Variants in COG5 observed in about 807,000 individuals in gnomAD.
COG5 encodes conserved oligomeric Golgi complex subunit 5.
Under a neutral mutation model 110.4 loss-of-function variants are expected in COG5, and 86 were observed. The observed-to-expected ratio is 0.78, with a 90% CI of 0.65 to 0.93. The LOEUF (loss-of-function observed/expected upper bound fraction) is 0.93. Among genes scored for constraint, COG5 ranks in the 40% least tolerant of loss-of-function variants. The probability of loss-of-function intolerance (pLI) is 0.00; values close to 1 mark genes in which losing one functional copy is unlikely to be tolerated. For synonymous variants in COG5, 360 were observed against 334.6 expected (o/e 1.08, Z -0.83); for missense variants, 1,077 against 987.0 (o/e 1.09, Z -1.22).
chr7:107,478,698 T>C (rs771517938), intron 6 of COG5, among the ~76,000 whole-genome samples: 1 of 152,014 alleles, frequency 6.6e-6, no homozygotes, highest in African/African-American at 2.4e-5. Context: ...ATACTATCCA[T>C]AGTTTCAGAC....
chr7:107,420,149 G>A (rs148674293), intron 6 of COG5, among the ~76,000 whole-genome samples: 10 of 152,160 alleles, frequency 6.6e-5, no homozygotes, highest in Admixed American at 2.0e-4. Flanking sequence ...TACAGAACTA[G>A]AAATGAGAAC....
At chr7:107,428,218 A>G (rs936130072) in intron 6 of COG5, among the ~76,000 whole-genome samples, 33 of 152,260 alleles carry the variant, frequency 2.2e-4, no homozygotes, top group Non-Finnish European at 4.9e-4. Flanking sequence ...ATTGTCTTTC[A>G]TTTGAAGGTG....
At chr7:107,529,153 C>G (rs921871530) in intron 5 of COG5, among the ~76,000 whole-genome samples, 2 of 151,274 alleles carry the variant, frequency 1.3e-5, no homozygotes, top group Non-Finnish European at 2.9e-5. Context: ...ATTCAAAATT[C>G]AAGAAATAAA....
At chr7:107,449,221 T>C (rs1200087797) in intron 6 of COG5, among the ~76,000 whole-genome samples, 1 of 152,114 alleles carries the variant, frequency 6.6e-6, no homozygotes, top group Non-Finnish European at 1.5e-5. Flanking sequence ...AAATACCTAA[T>C]GCATACGGGA....
At chr7:107,282,924 C>T (rs1471597499) in intron 13 of COG5, among the ~76,000 whole-genome samples, 3 of 152,172 alleles carry the variant, frequency 2.0e-5, no homozygotes, top group African/African-American at 7.2e-5. Context: ...AAACGTCCAT[C>T]TCAAATGTAC....
At chr7:107,221,865 T>C (rs1799954491) in intron 19 of COG5, among the ~76,000 whole-genome samples, 1 of 152,168 alleles carries the variant, frequency 6.6e-6, no homozygotes, top group South Asian at 2.1e-4. Context: ...GTTTCTCTCT[T>C]ATCTTTGGCT....
intron 6 of COG5, among the ~76,000 whole-genome samples, chr7:107,468,420 G>GGT (rs35406143): frequency 0.17 from 24,696 of 149,550 alleles, 2,244 homozygotes; most frequent in Middle Eastern, 0.22. Context: ...TGTGTGCTGT[G>GGT]GTGTGTGTGT....
chr7:107,456,370 T>C (rs533194990), intron 6 of COG5, among the ~76,000 whole-genome samples: 93 of 152,338 alleles, frequency 6.1e-4, no homozygotes, highest in African/African-American at 2.2e-3. Context: ...GGATTTACCC[T>C]AGCAACTAGA....
chr7:107,243,511 C>CAAAA (rs759045963), intron 17 of COG5, among the ~76,000 whole-genome samples: 59 of 78,512 alleles, frequency 7.5e-4, no homozygotes, highest in African/African-American at 2.0e-3. Flanking sequence ...GACTCCATCT[C>CAAAA]AAAAAAAAAA....
intron 6 of COG5, among the ~76,000 whole-genome samples, chr7:107,443,181 A>C (rs984980410): frequency 2.6e-5 from 4 of 152,178 alleles, no homozygotes; most frequent in African/African-American, 9.7e-5. Context: ...AATTACAAAG[A>C]ATGAAGAACT....
intron 6 of COG5, among the ~76,000 whole-genome samples, chr7:107,517,106 T>C (rs957381056): frequency 3.3e-5 from 5 of 152,100 alleles, no homozygotes; most frequent in Non-Finnish European, 7.3e-5. Context: ...GCTAAGAACC[T>C]TGATAAAAGG....
intron 12 of COG5, among the ~76,000 whole-genome samples, chr7:107,289,925 C>CA (rs1220007641): frequency 3.3e-5 from 5 of 152,074 alleles, no homozygotes; most frequent in African/African-American, 7.2e-5. Context: ...TTGAGTTATG[C>CA]AAAAAAACTG....
At chr7:107,483,672 C>A (rs1477648487) in intron 6 of COG5, among the ~76,000 whole-genome samples, 1 of 151,200 alleles carries the variant, frequency 6.6e-6, no homozygotes, top group Non-Finnish European at 1.5e-5. Flanking sequence ...CCATTGCACT[C>A]CAGCCTGGGA....
At chr7:107,403,464 G>A (rs954450239) in intron 7 of COG5, among the ~76,000 whole-genome samples, 4 of 150,958 alleles carry the variant, frequency 2.6e-5, no homozygotes, top group South Asian at 2.1e-4. Flanking sequence ...AGGTATACAC[G>A]TGCCATGGTG....
intron 6 of COG5, among the ~76,000 whole-genome samples, chr7:107,459,757 C>T (rs934316587): frequency 3.3e-5 from 5 of 150,210 alleles, no homozygotes; most frequent in African/African-American, 4.9e-5. Context: ...GATAGCACCA[C>T]TGTACTCCTG....
At position 107,558,014 on chromosome 7, in the gene COG5, G is replaced by T. The variant is rs780972332; in HGVS notation, c.196C>A (p.Gln66Lys). 5.0e-6 allele frequency: 8 copies of T among 1,613,474 alleles called. No homozygotes were observed. In the East Asian group the frequency reaches 1.8e-4, roughly 36 times the overall value. ...VIAEQLAKLAQGISQLDRELH... is the reference protein window; with the variant it reads ...VIAEQLAKLAKGISQLDRELH... ...TCTCTGTCCAACTGACTGATTCCTT[G>T]GGCAAGTTTTGCTAGTTGTTCAGCA... The change falls in exon 2 of 22, where the codon CAA (glutamine) becomes AAA (lysine). Residue 66 changes from glutamine (Q) to lysine (K), a missense_variant. Transcript: ENST00000297135.
chr7:107,410,018 T>C (rs1391958894), intron 7 of COG5, among the ~76,000 whole-genome samples: 1 of 151,928 alleles, frequency 6.6e-6, no homozygotes, highest in Non-Finnish European at 1.5e-5. Flanking sequence ...CTGTTTTGTT[T>C]TGTTTGTTTT....
chr7:107,298,247 A>G lies in COG5; in HGVS notation c.1208T>C (p.Ile403Thr). 1 of 1,613,346 alleles carries G rather than the reference A, an allele frequency of 6.2e-7. No homozygotes were observed. Among genetic ancestry groups the G allele is most frequent in the Non-Finnish European group, 8.5e-7 (1 of 1,179,450 alleles). Residue 403 changes from isoleucine to threonine, a missense_variant, in exon 12 of 22, where the codon ATC becomes ACC. By Grantham distance (89) the Ile-to-Thr change is moderately conservative (BLOSUM62 -1). Transcript: ENST00000297135. ...TCCACTTGCATTAAAATTCCCTTGGATATGCTGACTGTATTGTTGAAGACG... is the reference window on the plus strand; with the variant it reads ...TCCACTTGCATTAAAATTCCCTTGGGTATGCTGACTGTATTGTTGAAGACG... ...WKRLQQYSQH[I>T]QGNFNASGTT...
chr7:107,225,238 T>C (rs1474997389), intron 19 of COG5, among the ~76,000 whole-genome samples: 1 of 152,232 alleles, frequency 6.6e-6, no homozygotes, highest in East Asian at 1.9e-4. Context: ...TTTGGCTGCC[T>C]GTTTTTCTTG....
Sources: gnomAD v4.1 joint callset for allele counts (sites outside exome capture counted in the v4.1 genomes callset) on GRCh38, gnomAD v4.1.1 for gene constraint, MANE v1.5 for transcripts, NCBI Gene and HGNC (gene_info 2026-07-23, HGNC 2026-07-21) for gene names.